The following XKR7 variants were observed in gnomAD, a reference collection of about 807,000 sequenced individuals.
XKR7 encodes the protein XK related 7.
In XKR7, 11 loss-of-function variants were observed where a neutral mutation model predicts 42.2. That is an observed-to-expected ratio of 0.26 (90% CI 0.16 to 0.43). The LOEUF is 0.43. XKR7 is among the 20% of genes least tolerant of loss of function. The pLI is 1.00. For synonymous variants in XKR7, 346 were observed against 366.4 expected (o/e 0.94, Z 0.64); for missense variants, 710 against 802.2 (o/e 0.89, Z 1.39).
At chr20:31,984,882 A>T (rs546382936) in intron 1 of XKR7, among the ~76,000 whole-genome samples, 2 of 152,296 alleles carry the variant, frequency 1.3e-5, no homozygotes, top group Non-Finnish European at 2.9e-5. Flanking sequence ...TAGATCTGGC[A>T]CTAACTTGCT....
chr20:31,982,011 A>G (rs1302363236), intron 1 of XKR7, among the ~76,000 whole-genome samples: 1 of 152,180 alleles, frequency 6.6e-6, no homozygotes, highest in Non-Finnish European at 1.5e-5. Flanking sequence ...GCTGTCCTCC[A>G]ATAGCACTGC....
rs2064603018 is a variant in XKR7, at chr20:31,997,810, A to ACT, written c.*354_*355dup. The ACT allele has an allele frequency of 3.5e-6, 1 of 287,026 alleles. No homozygotes were observed. The highest frequency in any genetic ancestry group is 2.2e-5 in the African/African-American group (1 of 46,400). 17.8% of individuals were successfully genotyped at this position (287,026 alleles called of 1,614,324 possible). On this transcript the variant is annotated 3_prime_UTR_variant, in exon 3 of 3. Coordinates refer to ENST00000562532, the MANE Select transcript of XKR7 (RefSeq NM_001011718.2). The stretch of plus-strand genomic sequence containing the variant: ...CTGCTGGACTTGCCAGAGAAAGGGC[A>ACT]CTGTCTGGGGTCCATGACCTAGACC...
chr20:31,991,795 T>G (rs2064571465), intron 1 of XKR7, among the ~76,000 whole-genome samples: 1 of 152,208 alleles, frequency 6.6e-6, no homozygotes, highest in East Asian at 1.9e-4. Context: ...CCATCTCTTG[T>G]GTGCCTTCAG....
At chr20:31,977,222 C>T (rs2064489503) in intron 1 of XKR7, among the ~76,000 whole-genome samples, 1 of 152,202 alleles carries the variant, frequency 6.6e-6, no homozygotes, top group Non-Finnish European at 1.5e-5. Flanking sequence ...TCCTTGTATG[C>T]AGTAGGTACT....
intron 1 of XKR7, among the ~76,000 whole-genome samples, chr20:31,979,221 C>CTT (rs1483137545): frequency 6.9e-6 from 1 of 145,956 alleles, no homozygotes; most frequent in Non-Finnish European, 1.5e-5. Flanking sequence ...TTTTCTTTTT[C>CTT]TTTTTTTTTT....
intron 1 of XKR7, among the ~76,000 whole-genome samples, chr20:31,983,858 G>C (rs1482727297): frequency 6.6e-6 from 1 of 151,806 alleles, no homozygotes; most frequent in Non-Finnish European, 1.5e-5. Context: ...GAGGCAGGGA[G>C]AATTGCTTGA....
Position 31,996,528 on chromosome 20 carries a change from G to C in XKR7, c.811G>C (p.Val271Leu), listed in dbSNP as rs759124046. The C allele has an allele frequency of 4.4e-6, 5 of 1,147,086 alleles. No individual in the cohort carries two copies. Among genetic ancestry groups the C allele is most frequent in the Non-Finnish European group, 5.4e-6 (5 of 925,676 alleles). The allele number at this position is 1,147,086 out of a possible 1,614,324, so 71.1% of individuals were successfully genotyped here. A position where few individuals can be genotyped will look rare whatever the true frequency, so the allele number is the denominator to read the frequency against. ...AGCCCTCTCCACCTCCGCCTCCCTC[G>C]TGTCTCTGGCCTGGACGCTGGCCTC... ...LPALSTSASL[V>L]SLAWTLASYQ... The change falls in exon 3 of 3, where the codon GTG (valine) becomes CTG (leucine). Residue 271 changes from valine (V) to leucine (L), a missense_variant. Around this residue, in one of 2 missense-constraint regions of XKR7, gnomAD observed 708 missense variants for 786.2 expected, o/e 0.90. Coordinates refer to ENST00000562532, the MANE Select transcript of XKR7 (RefSeq NM_001011718.2).
At chr20:31,993,111 C>CACATACACAT (rs60883128) in intron 1 of XKR7, among the ~76,000 whole-genome samples, 5 of 150,692 alleles carry the variant, frequency 3.3e-5, no homozygotes, top group South Asian at 2.1e-4. Context: ...CACACACACA[C>CACATACACAT]ACACATACAC....
At position 31,968,556 on chromosome 20, in the gene XKR7, C is replaced by G; in HGVS notation, c.381C>G (p.Val127=). ...SEPAGSPGPA[V]STKDSVAGGA... is the part of the protein sequence containing the mutation. The stretch of plus-strand genomic sequence containing the variant: ...CCGCAGGGTCCCCGGGACCCGCCGT[C>G]AGCACCAAGGACAGCGTAGCCGGCG... Residue 127 remains valine, a synonymous_variant, in exon 1 of 3, where the codon GTC becomes GTG. Coordinates refer to ENST00000562532, the MANE Select transcript of XKR7 (RefSeq NM_001011718.2). This position sits in a 1 kb window ranked among gnomAD's most constrained non-coding sequence, Gnocchi z 4.5. 6.2e-7 allele frequency: 1 copy of G among 1,610,750 alleles called. No homozygotes were observed. The highest frequency in any genetic ancestry group is 8.5e-7 in the Non-Finnish European group (1 of 1,178,828).
At chr20:31,979,202 C>T (rs1429898322) in intron 1 of XKR7, among the ~76,000 whole-genome samples, 1 of 151,422 alleles carries the variant, frequency 6.6e-6, no homozygotes, top group Non-Finnish European at 1.5e-5. Context: ...ATTATGATTT[C>T]TTTTTTTCTT....
intron 1 of XKR7, among the ~76,000 whole-genome samples, chr20:31,987,660 C>A (rs2064549148): frequency 6.6e-6 from 1 of 152,166 alleles, no homozygotes; most frequent in Non-Finnish European, 1.5e-5. Context: ...CCAAACAGAT[C>A]CAGCATTCAA....
intron 1 of XKR7, among the ~76,000 whole-genome samples, chr20:31,986,466 A>G (rs2064540839): frequency 2.1e-5 from 3 of 140,286 alleles, no homozygotes; most frequent in South Asian, 5.1e-4. Flanking sequence ...AGCATCCAAG[A>G]CACAGACAGA....
At position 31,997,311 on chromosome 20, in the gene XKR7, T is replaced by C; in HGVS notation, c.1594T>C (p.Tyr532His). 1 of 1,611,160 alleles carries C rather than the reference T, an allele frequency of 6.2e-7. No individual in the cohort carries two copies. The highest frequency in any genetic ancestry group is 1.3e-5 in the African/African-American group (1 of 75,050). Residue 532 changes from tyrosine (Y) to histidine (H), a missense_variant, in exon 3 of 3, where the codon TAC becomes CAC. This residue lies in a region of XKR7 where 708 missense variants were observed against 786.2 expected (regional missense o/e 0.90). Transcript: ENST00000562532. The part of the protein sequence containing the change: ...VIRIDLPRKK[Y>H]PAWDAHFIDR... ...CCGGATTGACTTGCCTCGCAAGAAG[T>C]ACCCGGCCTGGGATGCTCATTTTAT...
intron 1 of XKR7, among the ~76,000 whole-genome samples, chr20:31,973,108 AG>A (rs1025804075): frequency 2.0e-5 from 3 of 152,192 alleles, no homozygotes; most frequent in African/African-American, 4.8e-5. Context: ...ATAATGTGTA[AG>A]GGTTCAGCAA....
At chr20:31,996,287 A>G (rs1384143912) in intron 2 of XKR7, among the ~76,000 whole-genome samples, 1 of 149,740 alleles carries the variant, frequency 6.7e-6, no homozygotes, top group African/African-American at 2.5e-5. Flanking sequence ...CTCCCACCCT[A>G]CAGAAGTACC....
intron 1 of XKR7, among the ~76,000 whole-genome samples, chr20:31,972,584 G>A (rs578022023): frequency 6.6e-6 from 1 of 152,310 alleles, no homozygotes; most frequent in Admixed American, 6.5e-5. Flanking sequence ...AGGCAGCAGA[G>A]CAGTAAGCCA....
In XKR7 at chr20:31,998,034, G is replaced by A. The variant is rs1000004304; in HGVS notation, c.*577G>A. The A allele has an allele frequency of 8.0e-6, 1 of 125,044 alleles. No individual in the cohort carries two copies. The allele number at this position is 125,044 out of a possible 1,614,324, so 7.7% of individuals were successfully genotyped here. On this transcript the variant is annotated 3_prime_UTR_variant, in exon 3 of 3. Coordinates refer to ENST00000562532, the MANE Select transcript of XKR7 (RefSeq NM_001011718.2). ...GAAGGGAGTTGGGGTGGGGCAGGGT[G>A]TTGGGGTGGGGGGCTGGCAGTGCTG...
intron 1 of XKR7, among the ~76,000 whole-genome samples, chr20:31,984,454 T>C (rs148741259): frequency 1.4e-3 from 216 of 152,242 alleles, no homozygotes; most frequent in African/African-American, 5.1e-3. Flanking sequence ...GTTCAGGACA[T>C]AGCTGTGGAA....
chr20:31,986,977 A>C (rs1413209379), intron 1 of XKR7, among the ~76,000 whole-genome samples: 2 of 148,500 alleles, frequency 1.3e-5, no homozygotes, highest in Non-Finnish European at 3.0e-5. Context: ...GCAGACAGAC[A>C]GACCGCTAAA....
Sources: allele counts gnomAD v4.1 joint callset (sites outside exome capture counted in the v4.1 genomes callset), GRCh38; gene constraint gnomAD v4.1.1; regional missense constraint gnomAD v4.1.1; non-coding constraint Gnocchi (gnomAD v3.1); transcripts MANE v1.5; gene names NCBI Gene and HGNC (gene_info 2026-07-23, HGNC 2026-07-21).